TLNRD1: variants seen among roughly 807,000 people sequenced by gnomAD.
TLNRD1 encodes the protein talin rod domain-containing protein 1.
TLNRD1 carries 14 observed loss-of-function variants against 19.5 expected under a neutral mutation model. The observed-to-expected ratio is 0.72, with a 90% CI of 0.47 to 1.12. The LOEUF (loss-of-function observed/expected upper bound fraction) is 1.12. TLNRD1 is among the 50% of genes most tolerant of loss of function. TLNRD1 has a pLI of 0.00. For missense variants in TLNRD1, 569 were observed against 531.9 expected, an observed-to-expected ratio of 1.07 and a Z score of -0.69; for synonymous variants, 345 against 261.7, an observed-to-expected ratio of 1.32 and a Z score of -3.07.
In TLNRD1 at chr15:81,004,087, G is replaced by A. The variant is rs1361782975; in HGVS notation, c.*727G>A. On this transcript the variant is annotated 3_prime_UTR_variant, in exon 1 of 1. Coordinates refer to ENST00000267984, the MANE Select transcript of TLNRD1 (RefSeq NM_022566.3). ...CATGTATGGGAAGGGTCTGTGGGAA[G>A]GCTATTTCAATAGTAGTGAGGCGGG... 6.0e-6 allele frequency: 1 copy of A among 167,032 alleles called. No homozygotes were observed. Among genetic ancestry groups the A allele is most frequent in the Non-Finnish European group, 1.5e-5 (1 of 68,126 alleles). 10.3% of individuals were successfully genotyped at this position (167,032 alleles called of 1,614,324 possible). A position where few individuals can be genotyped will look rare whatever the true frequency, so the allele number is the denominator to read the frequency against.
At position 81,002,498 on chromosome 15, in the gene TLNRD1, A is replaced by T; in HGVS notation, c.227A>T (p.Glu76Val). The T allele has an allele frequency of 6.0e-6, 9 of 1,491,346 alleles. No homozygotes were observed. Among genetic ancestry groups the T allele is most frequent in the Non-Finnish European group, 8.0e-6 (9 of 1,122,974 alleles). 92.4% of individuals were successfully genotyped at this position (1,491,346 alleles called of 1,614,324 possible). A position where few individuals can be genotyped will look rare whatever the true frequency, so the allele number is the denominator to read the frequency against. The stretch of plus-strand genomic sequence containing the variant: ...TCTGGTGCCGGCGCCGAGTCCTTCG[A>T]GCAGTGCCGGGACACCATCATCGCG... ...ASSGAGAESF[E>V]QCRDTIIART... is the part of the protein sequence containing the mutation. The change falls in exon 1 of 1, where the codon GAG becomes GTG. Residue 76 changes from glutamate (E) to valine (V), a missense_variant. By Grantham distance (121) the Glu-to-Val change is moderately radical (BLOSUM62 -2). Transcript: ENST00000267984.
rs1361290265 is a variant in TLNRD1, at chr15:81,004,101, TAGTGAGGCGGGCCCCCAATTCCC to T, written c.*744_*766del. 1 of 167,044 alleles carries T rather than the reference TAGTGAGGCGGGCCCCCAATTCCC, an allele frequency of 6.0e-6. No individual in the cohort carries two copies. Among genetic ancestry groups the T allele is most frequent in the Non-Finnish European group, 1.5e-5 (1 of 68,108 alleles). 10.3% of individuals were successfully genotyped at this position (167,044 alleles called of 1,614,324 possible). On this transcript the variant is annotated 3_prime_UTR_variant, in exon 1 of 1. Transcript: ENST00000267984. Reference sequence around the variant, plus strand: ...GTCTGTGGGAAGGCTATTTCAATAGTAGTGAGGCGGGCCCCCAATTCCCAGCCCTTTCTACTATTTCCTCAAGA... The same window carrying T: ...GTCTGTGGGAAGGCTATTTCAATAGTAGCCCTTTCTACTATTTCCTCAAGA...
rs1893433468 is a variant in TLNRD1 at position 81,002,735 on chromosome 15, G to A, written c.464G>A (p.Arg155Gln). The A allele has an allele frequency of 2.0e-6, 3 of 1,534,580 alleles. No homozygotes were observed. The highest frequency in any genetic ancestry group is 2.6e-6 in the Non-Finnish European group (3 of 1,146,300). The part of the protein sequence containing the change: ...PGLVDRYRVT[R>Q]CRHEVEQGCA... ...CTGGTGGACCGCTACCGCGTGACGCGATGCCGCCACGAGGTGGAGCAGGGT... is the reference window on the plus strand; with the variant it reads ...CTGGTGGACCGCTACCGCGTGACGCAATGCCGCCACGAGGTGGAGCAGGGT... The change falls in exon 1 of 1, where the codon CGA becomes CAA. Residue 155 changes from arginine (R) to glutamine (Q), a missense_variant. Coordinates refer to ENST00000267984, the MANE Select transcript of TLNRD1 (RefSeq NM_022566.3).
Position 81,002,685 on chromosome 15 carries a change from G to A in TLNRD1, c.414G>A (p.Pro138=), listed in dbSNP as rs539190409. The A allele has an allele frequency of 1.4e-6, 2 of 1,466,434 alleles. No homozygotes were observed. The highest frequency in any genetic ancestry group is 1.4e-5 in the South Asian group (1 of 72,650). 90.8% of individuals were successfully genotyped at this position (1,466,434 alleles called of 1,614,324 possible). Residue 138 remains proline (P), a synonymous_variant, in exon 1 of 1, where the codon CCG becomes CCA. Coordinates refer to ENST00000267984, the MANE Select transcript of TLNRD1 (RefSeq NM_022566.3). ...HAAYLAAVAT[P]GAQPAQPGLV... is the part of the protein sequence containing the mutation. ...CCTATCTGGCCGCTGTGGCCACGCCGGGCGCCCAGCCCGCGCAGCCGGGCC... is the reference window on the plus strand; with the variant it reads ...CCTATCTGGCCGCTGTGGCCACGCCAGGCGCCCAGCCCGCGCAGCCGGGCC...
chr15:81,002,379 C>G lies in TLNRD1; in HGVS notation c.108C>G (p.Val36=). Residue 36 remains valine (V), a synonymous_variant, in exon 1 of 1, where the codon GTC becomes GTG. Transcript: ENST00000267984. ...AGCCGCGGAAGAGGCTGGTATCCGTCTGCGACCACTGCAAGGGCAAGATGC... is the reference window on the plus strand; with the variant it reads ...AGCCGCGGAAGAGGCTGGTATCCGTGTGCGACCACTGCAAGGGCAAGATGC... ...SSQPRKRLVS[V]CDHCKGKMQL... 1 of 1,533,618 alleles carries G rather than the reference C, an allele frequency of 6.5e-7. No individual in the cohort carries two copies. Among genetic ancestry groups the G allele is most frequent in the South Asian group, 1.2e-5 (1 of 83,580 alleles).
chr15:81,002,640 C>T lies in TLNRD1; in HGVS notation c.369C>T (p.Thr123=), dbSNP rs371053006. ...TGGGCGACCTGGTGGTGTCGCTGAC[C>T]GAGTGCTCGGCCCACGCGGCCTATC... The part of the protein sequence containing the change: ...VELGDLVVSL[T]ECSAHAAYLA... The change falls in exon 1 of 1, where the codon ACC becomes ACT. Residue 123 remains threonine, a synonymous_variant. Coordinates refer to ENST00000267984, the MANE Select transcript of TLNRD1 (RefSeq NM_022566.3). The T allele has an allele frequency of 2.0e-6, 3 of 1,488,174 alleles. No individual in the cohort carries two copies. The highest frequency in any genetic ancestry group is 2.7e-6 in the Non-Finnish European group (3 of 1,130,732). The allele number at this position is 1,488,174 out of a possible 1,614,324, so 92.2% of individuals were successfully genotyped here.
Position 81,002,305 on chromosome 15 carries a change from G to A in TLNRD1, c.34G>A (p.Glu12Lys), listed in dbSNP as rs1383317580. ...CGGCAGCGCCGGGAAGCCCACTGGC[G>A]AGGCGGCTTCTCCGGCTCCTGCGAG... ...ASGSAGKPTG[E>K]AASPAPASAI... The change falls in exon 1 of 1, where the codon GAG becomes AAG. Residue 12 changes from glutamate (E) to lysine (K), a missense_variant. Transcript: ENST00000267984. 3.1e-5 allele frequency: 42 copies of A among 1,361,726 alleles called. No individual in the cohort carries two copies. The highest frequency in any genetic ancestry group is 3.7e-5 in the Non-Finnish European group (39 of 1,052,144). The allele number at this position is 1,361,726 out of a possible 1,614,324, so 84.4% of individuals were successfully genotyped here. A position where few individuals can be genotyped will look rare whatever the true frequency, so the allele number is the denominator to read the frequency against.
chr15:81,001,465 G>C lies in TLNRD1; in HGVS notation c.-807G>C, dbSNP rs1013135836. 10 of 151,190 alleles carry C rather than the reference G, an allele frequency of 6.6e-5. No individual in the cohort carries two copies. Among genetic ancestry groups the C allele is most frequent in the Admixed American group, 2.6e-4 (4 of 15,186 alleles). The allele number at this position is 151,190 out of a possible 1,614,324, so 9.4% of individuals were successfully genotyped here. A position where few individuals can be genotyped will look rare whatever the true frequency, so the allele number is the denominator to read the frequency against. On this transcript the variant is annotated 5_prime_UTR_variant, in exon 1 of 1. Coordinates refer to ENST00000267984, the MANE Select transcript of TLNRD1 (RefSeq NM_022566.3). ...TGCTCGGCACGCCCGGGCGTGTGGC[G>C]GGCGGGCGAGAGCTTGAGCGCGATC... is the stretch of plus-strand genomic sequence containing the variant.
At position 81,002,499 on chromosome 15, in the gene TLNRD1, G is replaced by A; in HGVS notation, c.228G>A (p.Glu76=). The change falls in exon 1 of 1, where the codon GAG becomes GAA. Residue 76 remains glutamate, a synonymous_variant. Coordinates refer to ENST00000267984, the MANE Select transcript of TLNRD1 (RefSeq NM_022566.3). ...CTGGTGCCGGCGCCGAGTCCTTCGA[G>A]CAGTGCCGGGACACCATCATCGCGC... ...ASSGAGAESF[E]QCRDTIIART... The A allele has an allele frequency of 1.3e-6, 2 of 1,490,676 alleles. No homozygotes were observed. Among genetic ancestry groups the A allele is most frequent in the African/African-American group, 1.4e-5 (1 of 69,176 alleles). The allele number at this position is 1,490,676 out of a possible 1,614,324, so 92.3% of individuals were successfully genotyped here.
Position 81,002,961 on chromosome 15 carries a change from C to T in TLNRD1, c.690C>T (p.Ala230=), listed in dbSNP as rs750885763. Residue 230 remains alanine, a synonymous_variant, in exon 1 of 1, where the codon GCC becomes GCT. Coordinates refer to ENST00000267984, the MANE Select transcript of TLNRD1 (RefSeq NM_022566.3). ...CMSTSASALL[A]CVREVKVAPS... is the part of the protein sequence containing the mutation. The stretch of plus-strand genomic sequence containing the variant: ...GCACCAGCGCGTCGGCGCTGCTGGC[C>T]TGCGTGCGCGAGGTGAAGGTGGCGC... The T allele has an allele frequency of 1.3e-5, 21 of 1,588,044 alleles. No homozygotes were observed. Among genetic ancestry groups the T allele is most frequent in the Middle Eastern group, 1.7e-4 (1 of 6,028 alleles).
chr15:81,002,522 C>A lies in TLNRD1; in HGVS notation c.251C>A (p.Ala84Glu). 1.4e-6 allele frequency: 2 copies of A among 1,470,516 alleles called. No individual in the cohort carries two copies. The highest frequency in any genetic ancestry group is 1.8e-6 in the Non-Finnish European group (2 of 1,114,544). The allele number at this position is 1,470,516 out of a possible 1,614,324, so 91.1% of individuals were successfully genotyped here. ...GAGCAGTGCCGGGACACCATCATCG[C>A]GCGCACCAAGGGGCTCTCCATCCTC... ...SFEQCRDTIIARTKGLSILTH... is the reference protein window; with the variant it reads ...SFEQCRDTIIERTKGLSILTH... Residue 84 changes from alanine (A) to glutamate (E), a missense_variant, in exon 1 of 1, where the codon GCG becomes GAG. Coordinates refer to ENST00000267984, the MANE Select transcript of TLNRD1 (RefSeq NM_022566.3).
rs1317170197 is a variant in TLNRD1 at position 81,003,249 on chromosome 15, G to A, written c.978G>A (p.Leu326=). 1 of 1,608,068 alleles carries A rather than the reference G, an allele frequency of 6.2e-7. No homozygotes were observed. Among genetic ancestry groups the A allele is most frequent in the Non-Finnish European group, 8.5e-7 (1 of 1,177,878 alleles). ...GAKMSDHRER[L]RNSACAVSEG... is the part of the protein sequence containing the mutation. ...AGATGTCGGACCACAGGGAGAGGCT[G>A]AGGAACTCGGCCTGCGCCGTGTCTG... The change falls in exon 1 of 1, where the codon CTG becomes CTA. Residue 326 remains leucine (L), a synonymous_variant. Transcript: ENST00000267984.
In TLNRD1 at chr15:81,002,148, G is replaced by A; in HGVS notation, c.-124G>A. Reference sequence around the variant, plus strand: ...GCCCGCGGCGGTGGATGGCATGATGGTGCGGGGAAGGCACCGCGGCCTTGG... The same window carrying A: ...GCCCGCGGCGGTGGATGGCATGATGATGCGGGGAAGGCACCGCGGCCTTGG... On this transcript the variant is annotated 5_prime_UTR_variant, in exon 1 of 1. It adds an upstream start codon to the 5' untranslated region. Transcript: ENST00000267984. 9.3e-7 allele frequency: 1 copy of A among 1,078,876 alleles called. No individual in the cohort carries two copies. The highest frequency in any genetic ancestry group is 1.2e-6 in the Non-Finnish European group (1 of 859,654). The allele number at this position is 1,078,876 out of a possible 1,614,324, so 66.8% of individuals were successfully genotyped here.
At position 81,002,688 on chromosome 15, in the gene TLNRD1, C is replaced by A; in HGVS notation, c.417C>A (p.Gly139=). The change falls in exon 1 of 1, where the codon GGC becomes GGA. Residue 139 remains glycine (G), a synonymous_variant. Coordinates refer to ENST00000267984, the MANE Select transcript of TLNRD1 (RefSeq NM_022566.3). The stretch of plus-strand genomic sequence containing the variant: ...ATCTGGCCGCTGTGGCCACGCCGGG[C>A]GCCCAGCCCGCGCAGCCGGGCCTGG... ...AAYLAAVATP[G]AQPAQPGLVD... 6.8e-7 allele frequency: 1 copy of A among 1,466,734 alleles called. No individual in the cohort carries two copies. The highest frequency in any genetic ancestry group is 8.9e-7 in the Non-Finnish European group (1 of 1,121,606). The allele number at this position is 1,466,734 out of a possible 1,614,324, so 90.9% of individuals were successfully genotyped here. A position where few individuals can be genotyped will look rare whatever the true frequency, so the allele number is the denominator to read the frequency against.
Position 81,002,951 on chromosome 15 carries a change from C to G in TLNRD1, c.680C>G (p.Ala227Gly), listed in dbSNP as rs1218153355. ...GVKCMSTSAS[A>G]LLACVREVKV... ...AAGTGCATGAGCACCAGCGCGTCGG[C>G]GCTGCTGGCCTGCGTGCGCGAGGTG... Residue 227 changes from alanine to glycine, a missense_variant, in exon 1 of 1, where the codon GCG becomes GGG. Coordinates refer to ENST00000267984, the MANE Select transcript of TLNRD1 (RefSeq NM_022566.3). 2 of 1,591,316 alleles carry G rather than the reference C, an allele frequency of 1.3e-6. No individual in the cohort carries two copies. The highest frequency in any genetic ancestry group is 1.3e-5 in the African/African-American group (1 of 74,694).
rs1477871790 is a variant in TLNRD1 at position 81,002,898 on chromosome 15, T to C, written c.627T>C (p.Phe209=). 19 of 1,597,386 alleles carry C rather than the reference T, an allele frequency of 1.2e-5. No individual in the cohort carries two copies. The highest frequency in any genetic ancestry group is 1.6e-5 in the Non-Finnish European group (19 of 1,178,884). ...ALASDKSRDR[F]SREQFKLGVK... ...CCAGTGACAAGTCACGGGACCGCTT[T>C]TCGCGGGAGCAGTTCAAGCTGGGCG... The change falls in exon 1 of 1, where the codon TTT becomes TTC. Residue 209 remains phenylalanine (F), a synonymous_variant. Transcript: ENST00000267984.
Position 81,003,202 on chromosome 15 carries a change from C to CAGCAA in TLNRD1, c.935_936insAAGCA (p.His312GlnfsTer17). On this transcript the variant is annotated frameshift_variant, in exon 1 of 1. Coordinates refer to ENST00000267984, the MANE Select transcript of TLNRD1 (RefSeq NM_022566.3). LOFTEE classifies it high-confidence loss of function. Reference sequence around the variant, plus strand: ...GACCCAGTGCCTCAGGGATCTGGCGCAGCACCCCGACGGGGGCGCCAAGAT... The same window carrying CAGCAA: ...GACCCAGTGCCTCAGGGATCTGGCGCAGCAAAGCACCCCGACGGGGGCGCCAAGAT... The CAGCAA allele has an allele frequency of 6.3e-7, 1 of 1,595,068 alleles. No homozygotes were observed. Among genetic ancestry groups the CAGCAA allele is most frequent in the South Asian group, 1.1e-5 (1 of 88,312 alleles).
At position 81,002,099 on chromosome 15, in the gene TLNRD1, C is replaced by A; in HGVS notation, c.-173C>A. Reference sequence around the variant, plus strand: ...GCCCACCCCGCGCCGCCCGGGCTCCCGCCGCCGCAGCCCAGTGCCCTCTGC... The same window carrying A: ...GCCCACCCCGCGCCGCCCGGGCTCCAGCCGCCGCAGCCCAGTGCCCTCTGC... On this transcript the variant is annotated 5_prime_UTR_variant, in exon 1 of 1. Coordinates refer to ENST00000267984, the MANE Select transcript of TLNRD1 (RefSeq NM_022566.3). The A allele has an allele frequency of 4.1e-6, 3 of 726,600 alleles. No individual in the cohort carries two copies. Among genetic ancestry groups the A allele is most frequent in the African/African-American group, 3.7e-5 (2 of 53,632 alleles). 45.0% of individuals were successfully genotyped at this position (726,600 alleles called of 1,614,324 possible). A position where few individuals can be genotyped will look rare whatever the true frequency, so the allele number is the denominator to read the frequency against.
rs772627289 is a variant in TLNRD1, at chr15:81,002,486, C to T, written c.215C>T (p.Ala72Val). The T allele has an allele frequency of 4.0e-6, 6 of 1,498,392 alleles. No individual in the cohort carries two copies. The Admixed American group carries it at 1.3e-4, about 32-fold the overall frequency. 92.8% of individuals were successfully genotyped at this position (1,498,392 alleles called of 1,614,324 possible). A position where few individuals can be genotyped will look rare whatever the true frequency, so the allele number is the denominator to read the frequency against. ...FEGPASSGAG[A>V]ESFEQCRDTI... ...GGCCCCGCCTCCTCTGGTGCCGGCG[C>T]CGAGTCCTTCGAGCAGTGCCGGGAC... The change falls in exon 1 of 1, where the codon GCC (alanine) becomes GTC (valine). Residue 72 changes from alanine (A) to valine (V), a missense_variant. Physicochemically the swap from Ala to Val is moderately conservative, Grantham distance 64. Coordinates refer to ENST00000267984, the MANE Select transcript of TLNRD1 (RefSeq NM_022566.3).
Sources: gnomAD v4.1 joint callset for allele counts on GRCh38, gnomAD v4.1.1 for gene constraint, MANE v1.5 for transcripts, NCBI Gene and HGNC (gene_info 2026-07-23, HGNC 2026-07-21) for gene names.